Variants in CALN1 observed in about 807,000 individuals in gnomAD.
CALN1 encodes the protein calcium-binding protein 8.
Under a neutral mutation model 30.6 loss-of-function variants are expected in CALN1, and 17 were observed. That is an observed-to-expected ratio of 0.56 (90% CI 0.38 to 0.83). The LOEUF (loss-of-function observed/expected upper bound fraction) is 0.83, where lower values mean the gene tolerates loss of function less well. Among genes scored for constraint, CALN1 ranks in the 40% least tolerant of loss-of-function variants. The probability of loss-of-function intolerance (pLI) is 0.00; values close to 1 mark genes in which losing one functional copy is unlikely to be tolerated. For synonymous variants in CALN1, 156 were observed against 131.4 expected (o/e 1.19, Z -1.28); for missense variants, 291 against 354.9 (o/e 0.82, Z 1.45).
At chr7:72,205,204 T>G (rs1194114824) in intron 3 of CALN1, among the ~76,000 whole-genome samples, 1 of 151,930 alleles carries the variant, frequency 6.6e-6, no homozygotes, top group Non-Finnish European at 1.5e-5. Flanking sequence ...TTTTTGCTTT[T>G]CTTTTGTTTT....
chr7:72,497,264 A>C, the CALN1 span, among the ~76,000 whole-genome samples: 1 of 152,096 alleles, frequency 6.6e-6, no homozygotes, highest in Admixed American at 6.5e-5. Context: ...ATATGGTGAA[A>C]CCTCGTCTCT....
chr7:72,305,266 C>T (rs1799570850), intron 2 of CALN1, among the ~76,000 whole-genome samples: 1 of 152,234 alleles, frequency 6.6e-6, no homozygotes, highest in Non-Finnish European at 1.5e-5. Flanking sequence ...ACCAGCTTCA[C>T]AAGGATGCCG....
Position 72,045,256 on chromosome 7 carries a change from A to G in CALN1, c.389-21487T>C, listed in dbSNP as rs529054105. 2.0e-5 allele frequency among the ~76,000 whole-genome samples: 3 copies of G among 152,270 alleles called. No homozygotes were observed. The East Asian group carries it at 5.8e-4, about 30-fold the overall frequency. ...AAGGGTAGGAAGAGTCGTGAACAGC[A>G]TGTGCTGCCTGCTCCAAGCTGGGAG... is the stretch of plus-strand genomic sequence containing the variant. On this transcript the variant is annotated intron_variant, in intron 4 of 6. Transcript: ENST00000395275.
chr7:71,790,368 AAAAGAAAGAAAG>A (rs66616944), intron 6 of CALN1, among the ~76,000 whole-genome samples: 11,701 of 123,074 alleles, frequency 0.095, 682 homozygotes, highest in South Asian at 0.14. Flanking sequence ...AGAAAGAAAG[AAAAGAAAGAAAG>A]AAAGAAAGAA....
At chr7:72,289,036 T>C (rs958563454) in intron 2 of CALN1, among the ~76,000 whole-genome samples, 4 of 152,196 alleles carry the variant, frequency 2.6e-5, no homozygotes, top group Admixed American at 6.5e-5. Flanking sequence ...TCTTAAAAAG[T>C]CTTTATTTCA....
intron 2 of CALN1, among the ~76,000 whole-genome samples, chr7:72,307,457 A>T (rs1431926043): frequency 6.6e-6 from 1 of 152,180 alleles, no homozygotes. Context: ...AGGTCAGTTC[A>T]TTCACTCGGT....
chr7:71,867,789 A>G (rs1186798273), intron 5 of CALN1, among the ~76,000 whole-genome samples: 3 of 152,188 alleles, frequency 2.0e-5, no homozygotes, highest in Non-Finnish European at 4.4e-5. Context: ...CTTTTTAACC[A>G]TCAAAGACCC....
intron 3 of CALN1, among the ~76,000 whole-genome samples, chr7:72,207,075 C>T (rs1450190211): frequency 6.6e-6 from 1 of 152,060 alleles, no homozygotes; most frequent in Admixed American, 6.6e-5. Flanking sequence ...TTACAATTTG[C>T]CAGAAAGAAA....
chr7:72,234,844 C>T (rs951306794), intron 3 of CALN1, among the ~76,000 whole-genome samples: 1 of 152,156 alleles, frequency 6.6e-6, no homozygotes, highest in African/African-American at 2.4e-5. Flanking sequence ...CGGTAGATAT[C>T]CCCTAAGTAC....
At chr7:72,306,256 A>C (rs560254344) in intron 2 of CALN1, among the ~76,000 whole-genome samples, 4 of 152,332 alleles carry the variant, frequency 2.6e-5, no homozygotes, top group East Asian at 1.9e-4. Context: ...ATCTGTAAAG[A>C]ATCTCTATTC....
At chr7:72,414,581 T>C (rs975171669), upstream of CALN1, among the ~76,000 whole-genome samples, 3 of 152,224 alleles carry the variant, frequency 2.0e-5, no homozygotes, top group Non-Finnish European at 2.9e-5. Context: ...AGTCCAGTGT[T>C]GGCCCCCAGT....
chr7:72,422,434 A>C (rs1289167989), intron 1 of CALN1, among the ~76,000 whole-genome samples: 1 of 152,112 alleles, frequency 6.6e-6, no homozygotes, highest in Non-Finnish European at 1.5e-5. Context: ...TATTTTGATG[A>C]AGTCTTTTCA....
At chr7:72,400,732 G>A (rs10232238) in intron 2 of CALN1, among the ~76,000 whole-genome samples, 74,055 of 152,010 alleles carry the variant, frequency 0.49, 18,391 homozygotes, top group East Asian at 0.71. Flanking sequence ...AGCTGGGTTT[G>A]GTGGTGGCCA....
At chr7:72,110,650 C>A (rs904914221) in intron 3 of CALN1, among the ~76,000 whole-genome samples, 5 of 143,520 alleles carry the variant, frequency 3.5e-5, no homozygotes, top group Non-Finnish European at 7.6e-5. Context: ...AGACAAACCT[C>A]ACTAACTTTT....
chr7:72,449,732 G>C (rs1050212183), upstream of CALN1, among the ~76,000 whole-genome samples: 1 of 151,836 alleles, frequency 6.6e-6, no homozygotes, highest in South Asian at 2.1e-4. Flanking sequence ...AAAATTAGCC[G>C]GGCATGGTGG....
intron 1 of CALN1, among the ~76,000 whole-genome samples, chr7:72,409,883 G>A (rs184976773): frequency 1.3e-5 from 2 of 152,164 alleles, no homozygotes; most frequent in African/African-American, 2.4e-5. Context: ...GTCTCTGCTA[G>A]ATTTTACAAT....
At chr7:72,325,908 G>A (rs530606048) in intron 2 of CALN1, among the ~76,000 whole-genome samples, 2 of 152,088 alleles carry the variant, frequency 1.3e-5, no homozygotes, top group South Asian at 4.2e-4. Context: ...GTTTTTTGGT[G>A]GGCTTTTTTA....
At chr7:72,487,886 A>AGGAAGG in the CALN1 span, among the ~76,000 whole-genome samples, 2 of 55,152 alleles carry the variant, frequency 3.6e-5, no homozygotes, top group African/African-American at 2.1e-4. Context: ...GAAAGAAAGA[A>AGGAAGG]AAGAAAAGAA....
intron 5 of CALN1, among the ~76,000 whole-genome samples, chr7:72,003,447 T>G (rs1373648347): frequency 1.3e-5 from 2 of 152,204 alleles, no homozygotes; most frequent in Non-Finnish European, 2.9e-5. Flanking sequence ...GGAACTGGAC[T>G]GCACAGCAGA....
Sources: allele counts gnomAD v4.1 joint callset (sites outside exome capture counted in the v4.1 genomes callset), GRCh38; gene constraint gnomAD v4.1.1; transcripts MANE v1.5; gene names NCBI Gene and HGNC (gene_info 2026-07-23, HGNC 2026-07-21).